The following KIF1B variants were observed in gnomAD, a reference collection of about 807,000 sequenced individuals.
KIF1B encodes the protein kinesin family member 1B, also known as kinesin-like protein KIF1B.
KIF1B carries 76 observed loss-of-function variants against 241.9 expected under a neutral mutation model. That is an observed-to-expected ratio of 0.31 (90% CI 0.26 to 0.38). KIF1B has a LOEUF of 0.38. KIF1B is among the 10% of genes least tolerant of loss of function. The pLI is 1.00. For synonymous variants in KIF1B, 750 were observed against 796.7 expected (o/e 0.94, Z 0.99); for missense variants, 1,622 against 2,271.4 (o/e 0.71, Z 5.81).
At chr1:10,353,533 A>T (rs1288439364) in intron 38 of KIF1B, among the ~76,000 whole-genome samples, 1 of 152,124 alleles carries the variant, frequency 6.6e-6, no homozygotes, top group East Asian at 1.9e-4. Flanking sequence ...GCCTCTTCTA[A>T]TGTGGGCTGA....
chr1:10,266,493 A>G (rs2102203405), intron 5 of KIF1B, among the ~76,000 whole-genome samples: 1 of 152,318 alleles, frequency 6.6e-6, no homozygotes, highest in East Asian at 1.9e-4. Context: ...CAAATCTTGG[A>G]TAGGTCCTGC....
intron 22 of KIF1B, chr1:10,304,025 C>G: frequency 6.2e-7 from 1 of 1,611,846 alleles, no homozygotes; most frequent in East Asian, 2.2e-5. Context: ...CAGAATGTAC[C>G]TCATAGGTTC....
Position 10,337,611 on chromosome 1 carries a change from C to T in KIF1B, c.3422+78C>T. On this transcript the variant is annotated intron_variant, in intron 31 of 48. Transcript: ENST00000676179. This position sits in a 1 kb window ranked among gnomAD's most constrained non-coding sequence, Gnocchi z 4.0. ...CTCTTGTGCACTGTAGAGTGCTTTA[C>T]ATGTGTGAGGGATTAACACTCTTGA... is the stretch of plus-strand genomic sequence containing the variant. 1 of 1,463,764 alleles carries T rather than the reference C, an allele frequency of 6.8e-7. No individual in the cohort carries two copies. Among genetic ancestry groups the T allele is most frequent in the Non-Finnish European group, 9.6e-7 (1 of 1,045,670 alleles). 90.7% of individuals were successfully genotyped at this position (1,463,764 alleles called of 1,614,324 possible).
chr1:10,284,755 G>A lies in KIF1B; in HGVS notation c.1434+2222G>A, dbSNP rs185070936. The stretch of plus-strand genomic sequence containing the variant: ...CGTGCATCTATAGTCCCAGCCACTC[G>A]GGAAGCTGAGGCAGGAGAATCCCTT... On this transcript the variant is annotated intron_variant, in intron 15 of 48. Transcript: ENST00000676179. Among the ~76,000 whole-genome samples the A allele has an allele frequency of 3.0e-4, 45 of 151,952 alleles. 1 individual carries two copies. In the South Asian group the frequency reaches 4.1e-3, roughly 14 times the overall value.
In KIF1B at chr1:10,303,242, A is replaced by G; in HGVS notation, c.2115+5996A>G. On this transcript the variant is annotated intron_variant, in intron 22 of 48. Coordinates refer to ENST00000676179, the MANE Select transcript of KIF1B (RefSeq NM_001365951.3). This position sits in a 1 kb window ranked among gnomAD's most constrained non-coding sequence, Gnocchi z 5.2. ...TGGAAACTGATTACTTCTCTGAGAG[A>G]AAAGCTACCTCCCAGCAAGTTGCAA... The G allele has an allele frequency of 6.2e-7, 1 of 1,614,170 alleles. No individual in the cohort carries two copies. Among genetic ancestry groups the G allele is most frequent in the Non-Finnish European group, 8.5e-7 (1 of 1,180,018 alleles).
chr1:10,216,957 C>CTTTTTTTTTTT (rs70998362), intron 1 of KIF1B, among the ~76,000 whole-genome samples: 19 of 54,520 alleles, frequency 3.5e-4, no homozygotes, highest in African/African-American at 1.1e-3. Context: ...TGCCCATTTT[C>CTTTTTTTTTTT]TTTTTTTTTT....
chr1:10,303,827 G>T lies in KIF1B; in HGVS notation c.2115+6581G>T. 3.1e-6 allele frequency: 5 copies of T among 1,614,192 alleles called. No homozygotes were observed. The highest frequency in any genetic ancestry group is 4.2e-6 in the Non-Finnish European group (5 of 1,180,008). On this transcript the variant is annotated intron_variant, in intron 22 of 48. Transcript: ENST00000676179. The surrounding 1 kb of genome is among the most constrained non-coding windows in gnomAD (Gnocchi z 5.2). ...AAAGCAAAGGAGCCTGTTGGTGCTG[G>T]TGTTAGTAGCACCTCTGAGAATAAT...
At position 10,278,039 on chromosome 1, in the gene KIF1B, C is replaced by G; in HGVS notation, c.1091C>G (p.Pro364Arg). 6.2e-7 allele frequency: 1 copy of G among 1,613,938 alleles called. No homozygotes were observed. The highest frequency in any genetic ancestry group is 8.5e-7 in the Non-Finnish European group (1 of 1,179,914). The change falls in exon 13 of 49, where the codon CCC becomes CGC. Residue 364 changes from proline to arginine, a missense_variant. By Grantham distance (103) the Pro-to-Arg change is moderately radical. Coordinates refer to ENST00000676179, the MANE Select transcript of KIF1B (RefSeq NM_001365951.3). ...IKCNAVINED[P>R]NAKLVRELKE... ...TGCAATGCTGTTATCAATGAGGACC[C>G]CAATGCCAAACTGGTTCGTGAATTA...
At chr1:10,295,903 T>G (rs1650240097) in intron 19 of KIF1B, 137 bp downstream of exon 19, 10 of 764,280 alleles carry the variant, frequency 1.3e-5, no homozygotes, top group South Asian at 1.1e-4. Context: ...AGACCTGGGC[T>G]GCTTATGAAT....
Position 10,316,835 on chromosome 1 carries a change from G to T in KIF1B, c.2116-3208G>T, listed in dbSNP as rs1023396315. Among the ~76,000 whole-genome samples, 5 of 151,542 alleles carry T rather than the reference G, an allele frequency of 3.3e-5. 1 individual carries two copies. The highest frequency in any genetic ancestry group is 1.2e-4 in the African/African-American group (5 of 40,866). ...GTATTTATTATCCTTTCTTGATTCA[G>T]TTATTACATCTGGGGTTGCAATATG... On this transcript the variant is annotated intron_variant, in intron 22 of 48. Coordinates refer to ENST00000676179, the MANE Select transcript of KIF1B (RefSeq NM_001365951.3).
chr1:10,319,352 C>T (rs1032303589), intron 22 of KIF1B, among the ~76,000 whole-genome samples: 2 of 152,120 alleles, frequency 1.3e-5, no homozygotes, highest in African/African-American at 4.8e-5. Flanking sequence ...TCACCCACCT[C>T]GGCCTCCCAA....
Position 10,267,498 on chromosome 1 carries a change from A to G in KIF1B, c.548A>G (p.Lys183Arg), listed in dbSNP as rs1170755487. ...LLGPYVEDLS[K>R]LAVTSYTDIA... is the part of the protein sequence containing the mutation. ...GGACCCTATGTGGAGGATCTGTCCA[A>G]GTTGGCAGTTACTTCCTACACAGAC... Residue 183 changes from lysine (K) to arginine (R), a missense_variant, in exon 6 of 49, where the codon AAG becomes AGG. Transcript: ENST00000676179. 1.2e-6 allele frequency: 2 copies of G among 1,614,200 alleles called. No individual in the cohort carries two copies. Among genetic ancestry groups the G allele is most frequent in the Non-Finnish European group, 1.7e-6 (2 of 1,180,020 alleles).
chr1:10,335,442 G>C (rs114770256), intron 28 of KIF1B, among the ~76,000 whole-genome samples: 2,632 of 152,120 alleles, frequency 0.017, 86 homozygotes, highest in African/African-American at 0.06. Context: ...TAGTAGAAAC[G>C]AAGTTTCACC....
chr1:10,368,339 G>T, intron 43 of KIF1B, 128 bp from the exon 44 acceptor site: 2 of 740,388 alleles, frequency 2.7e-6, no homozygotes, highest in East Asian at 2.6e-5. Context: ...ATAGGGAGAG[G>T]AGATGTGGAG....
chr1:10,371,244 G>A lies in KIF1B; in HGVS notation c.4928G>A (p.Ser1643Asn). The A allele has an allele frequency of 6.2e-7, 1 of 1,614,142 alleles. No individual in the cohort carries two copies. The highest frequency in any genetic ancestry group is 8.5e-7 in the Non-Finnish European group (1 of 1,180,010). The change falls in exon 45 of 49, where the codon AGC (serine) becomes AAC (asparagine). Residue 1643 changes from serine (S) to asparagine (N), a missense_variant. By Grantham distance (46) the Ser-to-Asn change is conservative (BLOSUM62 1). This residue lies in a region of KIF1B where 357 missense variants were observed against 409.0 expected (regional missense o/e 0.87). Transcript: ENST00000676179. ...STCPSLVDSR[S>N]NSLDQKTPEA... ...TGTCCCTCTCTGGTAGACTCTAGGA[G>A]CAACTCTCTGGATCAGAAGTAAGTA... is the stretch of plus-strand genomic sequence containing the variant.
chr1:10,370,575 T>TAAC (rs1638702380), intron 44 of KIF1B, among the ~76,000 whole-genome samples: 1 of 128,976 alleles, frequency 7.8e-6, no homozygotes, highest in Non-Finnish European at 1.7e-5. Flanking sequence ...AAAAAGAAAA[T>TAAC]AATAATAATA....
At chr1:10,272,702 T>G (rs1308923528) in intron 9 of KIF1B, among the ~76,000 whole-genome samples, 1 of 151,598 alleles carries the variant, frequency 6.6e-6, no homozygotes, top group East Asian at 1.9e-4. Flanking sequence ...TGCTGTTGAT[T>G]TGAGGGCCAG....
chr1:10,379,341 A>G lies in KIF1B; in HGVS notation c.*2754A>G, dbSNP rs1161123339. On this transcript the variant is annotated 3_prime_UTR_variant, in exon 49 of 49. Coordinates refer to ENST00000676179, the MANE Select transcript of KIF1B (RefSeq NM_001365951.3). ...TCTGTTCATAGCGTGCCTGAATAAGAAGGCCTCTTAGGGAGCCAGAGGGAG... is the reference window on the plus strand; with the variant it reads ...TCTGTTCATAGCGTGCCTGAATAAGGAGGCCTCTTAGGGAGCCAGAGGGAG... 2 of 231,466 alleles carry G rather than the reference A, an allele frequency of 8.6e-6. No individual in the cohort carries two copies. The highest frequency in any genetic ancestry group is 4.4e-5 in the African/African-American group (2 of 45,222). 14.3% of individuals were successfully genotyped at this position (231,466 alleles called of 1,614,324 possible).
At chr1:10,225,164 G>T (rs6541083) in intron 1 of KIF1B, among the ~76,000 whole-genome samples, 2 of 152,154 alleles carry the variant, frequency 1.3e-5, no homozygotes, top group Admixed American at 6.6e-5. Flanking sequence ...TGGCCTAGGG[G>T]TTGAGGACCC....
Sources: allele counts gnomAD v4.1 joint callset (sites outside exome capture counted in the v4.1 genomes callset), GRCh38; gene constraint gnomAD v4.1.1; regional missense constraint gnomAD v4.1.1; non-coding constraint Gnocchi (gnomAD v3.1); transcripts MANE v1.5; gene names NCBI Gene and HGNC (gene_info 2026-07-23, HGNC 2026-07-21).